Variants in HAUS8 observed in about 807,000 individuals in gnomAD.
The protein encoded by HAUS8 is HAUS augmin like complex subunit 8.
In HAUS8, 38 loss-of-function variants were observed where a neutral mutation model predicts 42.9. The observed-to-expected ratio is 0.89, with a 90% CI of 0.68 to 1.16. The LOEUF (loss-of-function observed/expected upper bound fraction) is 1.16, where lower values mean the gene tolerates loss of function less well. Among genes scored for constraint, HAUS8 ranks in the 50% most tolerant of loss-of-function variants. The pLI, the probability that HAUS8 is intolerant of heterozygous loss-of-function variation, is 0.00. For synonymous variants in HAUS8, 199 were observed against 205.8 expected (o/e 0.97, Z 0.28); for missense variants, 494 against 511.6 (o/e 0.97, Z 0.33).
At chr19:17,071,684 C>G (rs1293142707) in intron 2 of HAUS8, among the ~76,000 whole-genome samples, 1 of 152,156 alleles carries the variant, frequency 6.6e-6, no homozygotes, top group Admixed American at 6.5e-5. Context: ...TTCCTGAAAA[C>G]TAGGATACAA....
chr19:17,055,143 A>AATATATATAT (rs746719670), intron 9 of HAUS8: 4 of 15,508 alleles, frequency 2.6e-4, no homozygotes, highest in Non-Finnish European at 4.1e-4. Flanking sequence ...AAAAAAAAAA[A>AATATATATAT]ATATATATAT....
intron 8 of HAUS8, among the ~76,000 whole-genome samples, chr19:17,057,210 C>T (rs189873508): frequency 2.6e-5 from 4 of 152,054 alleles, no homozygotes; most frequent in African/African-American, 7.2e-5. Flanking sequence ...TTTAGCTGGG[C>T]GTGGTGGTGC....
At chr19:17,051,785 CT>C (rs1361547649) in intron 10 of HAUS8, 2 of 151,180 alleles carry the variant, frequency 1.3e-5, no homozygotes, top group East Asian at 3.9e-4. Context: ...TCTCCCACCT[CT>C]GCTTCCTGAG....
rs200422234 is a variant in HAUS8, at chr19:17,053,014, G to A, written c.788-48C>T. On this transcript the variant is annotated intron_variant, in intron 9 of 10. Transcript: ENST00000253669. The stretch of plus-strand genomic sequence containing the variant: ...GGCGATGGATGGCAAGGTGCCCCAC[G>A]CAAGGCACACACAAGTGGAGCGGCC... The A allele has an allele frequency of 1.4e-4, 224 of 1,611,742 alleles. 4 individuals carry two copies. In the Middle Eastern group the frequency reaches 2.3e-3, roughly 17 times the overall value.
At chr19:17,062,277 G>A (rs1384813600) in intron 4 of HAUS8, among the ~76,000 whole-genome samples, 2 of 152,184 alleles carry the variant, frequency 1.3e-5, no homozygotes, top group Non-Finnish European at 2.9e-5. Context: ...GATTATAGGC[G>A]TGTGCCATCA....
chr19:17,069,183 C>T lies in HAUS8; in HGVS notation c.92-97G>A, dbSNP rs925593731. 2.2e-5 allele frequency: 22 copies of T among 1,013,458 alleles called. 1 individual carries two copies. In the Admixed American group the frequency reaches 4.1e-4, roughly 19 times the overall value. The allele number at this position is 1,013,458 out of a possible 1,614,324, so 62.8% of individuals were successfully genotyped here. ...CCCCGGAGACCCAGATGCCAGGGGC[C>T]CTCTCCACTCAGTGACCAGAACAGA... On this transcript the variant is annotated intron_variant, in intron 2 of 10. Coordinates refer to ENST00000253669, the MANE Select transcript of HAUS8 (RefSeq NM_033417.2).
At position 17,062,679 on chromosome 19, in the gene HAUS8, G is replaced by A; in HGVS notation, c.229+19C>T. On this transcript the variant is annotated intron_variant, in intron 4 of 10. Coordinates refer to ENST00000253669, the MANE Select transcript of HAUS8 (RefSeq NM_033417.2). ...ACTGCCGCGCTCATCACTGCCCGAG[G>A]ACCATGGCTGTTTCGCACCTTTGCT... 2 of 1,605,932 alleles carry A rather than the reference G, an allele frequency of 1.2e-6. No homozygotes were observed. Among genetic ancestry groups the A allele is most frequent in the Non-Finnish European group, 8.5e-7 (1 of 1,172,602 alleles).
At chr19:17,051,099 T>C (rs1599965918) in intron 10 of HAUS8, among the ~76,000 whole-genome samples, 1 of 151,790 alleles carries the variant, frequency 6.6e-6, no homozygotes, top group African/African-American at 2.4e-5. Flanking sequence ...CAGCGAGAGG[T>C]GGGGCCTTTA....
At chr19:17,064,893 T>C (rs2057379123) in intron 3 of HAUS8, among the ~76,000 whole-genome samples, 1 of 152,142 alleles carries the variant, frequency 6.6e-6, no homozygotes, top group Non-Finnish European at 1.5e-5. Flanking sequence ...CCTCTTAAAT[T>C]AAAGCACTTA....
chr19:17,059,312 C>T (rs933822097), intron 6 of HAUS8, among the ~76,000 whole-genome samples: 1 of 152,240 alleles, frequency 6.6e-6, no homozygotes, highest in Non-Finnish European at 1.5e-5. Flanking sequence ...AGCATGGGCA[C>T]AGAGAAGTCC....
At chr19:17,068,310 C>T (rs553073719) in intron 3 of HAUS8, among the ~76,000 whole-genome samples, 3 of 152,052 alleles carry the variant, frequency 2.0e-5, no homozygotes, top group South Asian at 4.2e-4. Context: ...GACGGGGTTT[C>T]GCCATGTTGG....
intron 3 of HAUS8, among the ~76,000 whole-genome samples, chr19:17,065,245 A>G (rs535100235): frequency 1.9e-4 from 29 of 152,326 alleles, no homozygotes; most frequent in African/African-American, 6.7e-4. Flanking sequence ...GCCACTGTGG[A>G]TAACAGGTAG....
In HAUS8 at chr19:17,075,424, T is replaced by C. The variant is rs2057466190; in HGVS notation, c.-2A>G. 1 of 1,613,772 alleles carries C rather than the reference T, an allele frequency of 6.2e-7. No individual in the cohort carries two copies. The highest frequency in any genetic ancestry group is 1.3e-5 in the African/African-American group (1 of 75,062). On this transcript the variant is annotated 5_prime_UTR_variant, in exon 1 of 11. Transcript: ENST00000253669. Reference sequence around the variant, plus strand: ...GCCTCGCCCCGAGGAATCCGCCATTTTCCCGCCTTCCACCTCAAGGCCCGA... The same window carrying C: ...GCCTCGCCCCGAGGAATCCGCCATTCTCCCGCCTTCCACCTCAAGGCCCGA...
chr19:17,068,560 A>G (rs1370998114), intron 3 of HAUS8, among the ~76,000 whole-genome samples: 2 of 152,194 alleles, frequency 1.3e-5, no homozygotes, highest in African/African-American at 4.8e-5. Context: ...TGAGCTCAGT[A>G]GCTCAAGATC....
intron 2 of HAUS8, among the ~76,000 whole-genome samples, chr19:17,072,337 CCTT>C (rs1308868982): frequency 0.023 from 2,870 of 127,078 alleles, 116 homozygotes; most frequent in African/African-American, 0.086. Context: ...CCGAGCATTT[CCTT>C]TTTTTTTTTT....
intron 2 of HAUS8, among the ~76,000 whole-genome samples, chr19:17,072,949 C>CAAAA (rs201634583): frequency 1.2e-4 from 10 of 84,758 alleles, no homozygotes; most frequent in Non-Finnish European, 1.6e-4. Flanking sequence ...GACCCCAACT[C>CAAAA]AAAAAAAAAA....
chr19:17,063,139 T>A (rs1265483003), intron 3 of HAUS8, among the ~76,000 whole-genome samples: 1 of 152,182 alleles, frequency 6.6e-6, no homozygotes, highest in African/African-American at 2.4e-5. Flanking sequence ...TGTCAAAAAA[T>A]ATTTTTTTAA....
At chr19:17,060,898 C>T (rs531239947) in intron 4 of HAUS8, among the ~76,000 whole-genome samples, 11 of 152,208 alleles carry the variant, frequency 7.2e-5, no homozygotes, top group Admixed American at 5.2e-4. Flanking sequence ...ATGGCACGTA[C>T]GGTATGTTGT....
intron 1 of HAUS8, chr19:17,074,510 G>C (rs2057452751): frequency 6.6e-6 from 1 of 152,376 alleles, no homozygotes; most frequent in African/African-American, 2.4e-5. Context: ...AAGACGCACA[G>C]GTTTTACATA....
Sources: gnomAD v4.1 joint callset for allele counts (sites outside exome capture counted in the v4.1 genomes callset) on GRCh38, gnomAD v4.1.1 for gene constraint, MANE v1.5 for transcripts, NCBI Gene and HGNC (gene_info 2026-07-23, HGNC 2026-07-21) for gene names.